THSD7B: variants seen among roughly 807,000 people sequenced by gnomAD.
THSD7B encodes the protein thrombospondin type-1 domain-containing protein 7B.
Under a neutral mutation model 213.6 loss-of-function variants are expected in THSD7B, and 138 were observed. The ratio of observed to expected loss-of-function variants is 0.65; its 90% CI spans 0.56 to 0.74. The LOEUF is 0.74. Ranked by LOEUF, THSD7B falls within the 30% of genes least tolerant of loss-of-function variation. The pLI is 0.00. For missense variants in THSD7B, 1,931 were observed against 1,991.5 expected (o/e 0.97, Z 0.58); for synonymous variants, 742 against 687.0 (o/e 1.08, Z -1.25).
chr2:136,965,084 T>C (rs1380983103), intron 2 of THSD7B, among the ~76,000 whole-genome samples: 1 of 151,964 alleles, frequency 6.6e-6, no homozygotes, highest in Non-Finnish European at 1.5e-5. Context: ...CACTTTTACC[T>C]GCTCCATTGT....
intron 15 of THSD7B, chr2:137,452,039 C>A: frequency 1.0e-6 from 1 of 957,836 alleles, no homozygotes; most frequent in Non-Finnish European, 1.2e-6. Flanking sequence ...TTTAGTACTG[C>A]TCAGACTTGA....
intron 20 of THSD7B, among the ~76,000 whole-genome samples, chr2:137,631,312 T>C (rs1444139036): frequency 1.3e-5 from 2 of 152,222 alleles, no homozygotes; most frequent in African/African-American, 4.8e-5. Context: ...TTTAGTGGGA[T>C]GTAGAACTCC....
intron 12 of THSD7B, among the ~76,000 whole-genome samples, chr2:137,286,053 G>A (rs779687780): frequency 3.3e-5 from 5 of 149,602 alleles, no homozygotes; most frequent in African/African-American, 7.4e-5. Flanking sequence ...GCAGTGAGCC[G>A]AGATCTCGCC....
rs186641269 is a variant in THSD7B, at chr2:136,880,182, C to T, written c.-35-1962C>T. On this transcript the variant is annotated intron_variant, in intron 1 of 27. Coordinates refer to ENST00000409968, the MANE Select transcript of THSD7B (RefSeq NM_001316349.2). ...ATATACATTCTTCTCAGCACCACACCACACTTATTCCAACATTGACCACAT... is the reference window on the plus strand; with the variant it reads ...ATATACATTCTTCTCAGCACCACACTACACTTATTCCAACATTGACCACAT... 2.6e-3 allele frequency among the ~76,000 whole-genome samples: 390 copies of T among 152,232 alleles called. 2 individuals carry two copies. The highest frequency in any genetic ancestry group is 7.3e-3 in the Admixed American group (112 of 15,286).
intron 5 of THSD7B, among the ~76,000 whole-genome samples, chr2:137,129,002 T>C (rs922550153): frequency 3.9e-5 from 6 of 152,204 alleles, no homozygotes; most frequent in Non-Finnish European, 7.4e-5. Context: ...TAGGACTTCC[T>C]GGATTTTTGT....
At chr2:137,303,673 AAT>A (rs1491251947) in intron 12 of THSD7B, among the ~76,000 whole-genome samples, 16 of 107,514 alleles carry the variant, frequency 1.5e-4, no homozygotes, top group African/African-American at 6.4e-4. Flanking sequence ...TATATATATT[AAT>A]ATATATATTT....
Position 137,387,027 on chromosome 2 carries a change from G to A in THSD7B, c.2501-18586G>A, listed in dbSNP as rs1327525158. 5.9e-5 allele frequency among the ~76,000 whole-genome samples: 9 copies of A among 152,262 alleles called. 1 individual carries two copies. Among genetic ancestry groups the A allele is most frequent in the Admixed American group, 3.9e-4 (6 of 15,290 alleles). On this transcript the variant is annotated intron_variant, in intron 12 of 27. Transcript: ENST00000409968. ...GAATTGAAAAGAATCAGATAACAGG[G>A]GGAAGCAATCAATGACTATTATCTC...
chr2:137,572,605 ACTGTTGTTCGTTGTGCATT>A lies in THSD7B; in HGVS notation c.3423+51_3423+69del, dbSNP rs776767409. ...GCTCTGATAATCTATTGTTGCCTTC[ACTGTTGTTCGTTGTGCATT>A]CACAGTGCTAGTCTCCAAAGCATTC... On this transcript the variant is annotated intron_variant, in intron 17 of 27. Coordinates refer to ENST00000409968, the MANE Select transcript of THSD7B (RefSeq NM_001316349.2). The A allele has an allele frequency of 3.1e-6, 5 of 1,602,236 alleles. No individual in the cohort carries two copies. In the South Asian group the frequency reaches 5.6e-5, roughly 18 times the overall value.
intron 12 of THSD7B, among the ~76,000 whole-genome samples, chr2:137,349,558 G>T (rs759686363): frequency 6.6e-6 from 1 of 151,782 alleles, no homozygotes; most frequent in South Asian, 2.1e-4. Context: ...AAAAACTTAT[G>T]CCAGGAGGGC....
chr2:137,446,586 G>T (rs1479020829), intron 14 of THSD7B, among the ~76,000 whole-genome samples: 1 of 151,850 alleles, frequency 6.6e-6, no homozygotes, highest in Non-Finnish European at 1.5e-5. Flanking sequence ...TACAAAGTTT[G>T]GTGTATTCTC....
chr2:137,330,224 T>G (rs1684470193), intron 12 of THSD7B, among the ~76,000 whole-genome samples: 1 of 152,108 alleles, frequency 6.6e-6, no homozygotes, highest in Admixed American at 6.5e-5. Flanking sequence ...TAGAGCAGTT[T>G]GGAAGGGAAA....
intron 13 of THSD7B, among the ~76,000 whole-genome samples, chr2:137,407,756 T>C (rs950941342): frequency 6.6e-6 from 1 of 152,110 alleles, no homozygotes; most frequent in Non-Finnish European, 1.5e-5. Context: ...TATTTAACTT[T>C]CTTTTGTCCA....
intron 12 of THSD7B, among the ~76,000 whole-genome samples, chr2:137,344,580 C>T (rs889552204): frequency 3.3e-5 from 5 of 151,594 alleles, no homozygotes; most frequent in African/African-American, 7.3e-5. Flanking sequence ...CTCCCATCCA[C>T]GGGAGGAATA....
intron 1 of THSD7B, among the ~76,000 whole-genome samples, chr2:136,837,298 A>G (rs1203492185): frequency 6.6e-6 from 1 of 152,038 alleles, no homozygotes; most frequent in East Asian, 1.9e-4. Context: ...TTTATTTTCT[A>G]CCACTCTCCT....
intron 3 of THSD7B, among the ~76,000 whole-genome samples, chr2:137,082,819 G>A (rs1414827578): frequency 6.6e-6 from 1 of 151,936 alleles, no homozygotes; most frequent in East Asian, 1.9e-4. Context: ...TTCTGAGAGT[G>A]GTACTGCATT....
intron 12 of THSD7B, among the ~76,000 whole-genome samples, chr2:137,346,701 G>C (rs1021863257): frequency 1.3e-5 from 2 of 151,748 alleles, no homozygotes; most frequent in East Asian, 1.9e-4. Flanking sequence ...CACATGGATA[G>C]GATAGTGTGG....
At chr2:136,932,704 G>A (rs1255878872) in intron 2 of THSD7B, among the ~76,000 whole-genome samples, 1 of 152,140 alleles carries the variant, frequency 6.6e-6, no homozygotes, top group Non-Finnish European at 1.5e-5. Flanking sequence ...TAAGTAGGCT[G>A]AGGAGGAGGA....
intron 2 of THSD7B, among the ~76,000 whole-genome samples, chr2:136,957,646 A>G (rs1332856803): frequency 6.6e-6 from 1 of 152,126 alleles, no homozygotes; most frequent in Non-Finnish European, 1.5e-5. Context: ...GATAGAAACA[A>G]TCTGATTATG....
chr2:137,439,805 A>G (rs532768081), intron 14 of THSD7B, among the ~76,000 whole-genome samples: 17 of 152,220 alleles, frequency 1.1e-4, no homozygotes, highest in Non-Finnish European at 1.8e-4. Context: ...TTGTCATGTA[A>G]TCCATATTCT....
Sources: allele counts gnomAD v4.1 joint callset (sites outside exome capture counted in the v4.1 genomes callset), GRCh38; gene constraint gnomAD v4.1.1; transcripts MANE v1.5; gene names NCBI Gene and HGNC (gene_info 2026-07-23, HGNC 2026-07-21).